Variants in HSD17B7 observed in about 807,000 individuals in gnomAD.
HSD17B7 encodes the protein hydroxysteroid 17-beta dehydrogenase 7, also known as 3-keto-steroid reductase/17-beta-hydroxysteroid dehydrogenase 7.
Under a neutral mutation model 34.1 loss-of-function variants are expected in HSD17B7, and 17 were observed. The observed-to-expected ratio is 0.50, with a 90% CI of 0.34 to 0.75. The LOEUF is 0.75. Ranked by LOEUF, HSD17B7 falls within the 30% of genes least tolerant of loss-of-function variation. The pLI, the probability that HSD17B7 is intolerant of heterozygous loss-of-function variation, is 0.01. For synonymous variants in HSD17B7, 122 were observed against 154.6 expected, an observed-to-expected ratio of 0.79 and a Z score of 1.56; for missense variants, 296 against 406.6, an observed-to-expected ratio of 0.73 and a Z score of 2.34.
At chr1:162,810,102 A>C (rs28757377) in intron 8 of HSD17B7, among the ~76,000 whole-genome samples, 1 of 151,624 alleles carries the variant, frequency 6.6e-6, no homozygotes, top group African/African-American at 2.4e-5. Flanking sequence ...TATAAATTTC[A>C]CTCTACACAC....
chr1:162,803,487 A>T lies in HSD17B7; in HGVS notation c.699A>T (p.Gly233=), dbSNP rs777002693. The part of the protein sequence containing the change: ...PGTALTNLTY[G]ILPPFIWTLL... ...CAGCATTGACCAATTTGACATATGG[A>T]ATTCTGCCTCCGTTTATATGGACGC... Residue 233 remains glycine (G), a synonymous_variant, in exon 6 of 9, where the codon GGA becomes GGT. Coordinates refer to ENST00000254521, the MANE Select transcript of HSD17B7 (RefSeq NM_016371.4). The T allele has an allele frequency of 6.2e-7, 1 of 1,613,108 alleles. No homozygotes were observed. The highest frequency in any genetic ancestry group is 1.3e-5 in the African/African-American group (1 of 74,988).
chr1:162,801,807 CT>C (rs1275052331), intron 5 of HSD17B7, among the ~76,000 whole-genome samples: 1 of 152,128 alleles, frequency 6.6e-6, no homozygotes, highest in Non-Finnish European at 1.5e-5. Flanking sequence ...GTCACAACTG[CT>C]TCCTGATACT....
chr1:162,804,995 T>C (rs1487700982), intron 7 of HSD17B7, among the ~76,000 whole-genome samples: 1 of 152,220 alleles, frequency 6.6e-6, no homozygotes, highest in East Asian at 1.9e-4. Flanking sequence ...CCTTTACATT[T>C]GTCTCCCTCA....
At chr1:162,806,922 A>G (rs1367858059) in intron 8 of HSD17B7, among the ~76,000 whole-genome samples, 2 of 152,186 alleles carry the variant, frequency 1.3e-5, no homozygotes, top group African/African-American at 2.4e-5. Flanking sequence ...TTCCAGCTCC[A>G]TTATGGAAAA....
At chr1:162,792,461 A>G in intron 1 of HSD17B7, 198 bp from the exon 2 acceptor site, 1 of 691,586 alleles carries the variant, frequency 1.4e-6, no homozygotes, top group Admixed American at 3.2e-5. Context: ...TGAGAAAAAC[A>G]CAAACTAGGC....
intron 4 of HSD17B7, chr1:162,799,380 G>T (rs1016732588): frequency 6.1e-6 from 1 of 164,830 alleles, no homozygotes; most frequent in African/African-American, 2.4e-5. Flanking sequence ...AGATCCTTCA[G>T]ACTCATCTTG....
intron 8 of HSD17B7, 100 bp from the exon 9 acceptor site, chr1:162,812,198 C>T: frequency 2.8e-6 from 4 of 1,421,930 alleles, no homozygotes; most frequent in Non-Finnish European, 1.9e-6. Context: ...CCTGCTGCCT[C>T]CTTTCTTTTT....
At chr1:162,795,770 G>A in intron 2 of HSD17B7, 3 of 422,336 alleles carry the variant, frequency 7.1e-6, no homozygotes, top group Non-Finnish European at 1.4e-5. Context: ...GAATATTTAT[G>A]GTGTCTGTGA....
chr1:162,808,085 G>T (rs1293922457), intron 8 of HSD17B7, among the ~76,000 whole-genome samples: 1 of 152,130 alleles, frequency 6.6e-6, no homozygotes, highest in Admixed American at 6.5e-5. Context: ...TTCTTCTAGG[G>T]TTTTTATGGT....
At chr1:162,792,543 C>T in intron 1 of HSD17B7, 116 bp from the exon 2 acceptor site, 1 of 1,365,312 alleles carries the variant, frequency 7.3e-7, no homozygotes. Flanking sequence ...TCTTTTCTTT[C>T]TATCTGGGCT....
Position 162,811,848 on chromosome 1 carries a change from T to C in HSD17B7, c.904-450T>C, listed in dbSNP as rs576740883. On this transcript the variant is annotated intron_variant, in intron 8 of 8. Coordinates refer to ENST00000254521, the MANE Select transcript of HSD17B7 (RefSeq NM_016371.4). ...CATAGTCTCATGGCTCTGGCACCCA[T>C]TGTTTCAATGGAGGCTGAAGTATCG... 4.6e-5 allele frequency among the ~76,000 whole-genome samples: 7 copies of C among 152,336 alleles called. No individual in the cohort carries two copies. The South Asian group carries it at 1.2e-3, about 27-fold the overall frequency.
chr1:162,803,915 C>T (rs1014572761), intron 6 of HSD17B7, among the ~76,000 whole-genome samples: 1 of 152,286 alleles, frequency 6.6e-6, no homozygotes, highest in African/African-American at 2.4e-5. Context: ...ACTATACAAC[C>T]ATATTTTTGT....
At chr1:162,810,184 C>T (rs9661994) in intron 8 of HSD17B7, among the ~76,000 whole-genome samples, 1,921 of 152,168 alleles carry the variant, frequency 0.013, 29 homozygotes, top group African/African-American at 0.043. Context: ...AACATCTTTA[C>T]GTCTGCCCTC....
Position 162,812,515 on chromosome 1 carries a change from A to T in HSD17B7, c.*95A>T. 1 of 1,126,332 alleles carries T rather than the reference A, an allele frequency of 8.9e-7. No individual in the cohort carries two copies. The highest frequency in any genetic ancestry group is 1.2e-6 in the Non-Finnish European group (1 of 808,016). The allele number at this position is 1,126,332 out of a possible 1,614,324, so 69.8% of individuals were successfully genotyped here. A position where few individuals can be genotyped will look rare whatever the true frequency, so the allele number is the denominator to read the frequency against. On this transcript the variant is annotated 3_prime_UTR_variant, in exon 9 of 9. Coordinates refer to ENST00000254521, the MANE Select transcript of HSD17B7 (RefSeq NM_016371.4). ...CATAGTGAGCCCTTGTCTCTACAAAAAGAAATAAAAATAATAGCTGGGTGT... is the reference window on the plus strand; with the variant it reads ...CATAGTGAGCCCTTGTCTCTACAAATAGAAATAAAAATAATAGCTGGGTGT...
At chr1:162,800,681 T>G (rs1342168803) in intron 5 of HSD17B7, among the ~76,000 whole-genome samples, 3 of 152,188 alleles carry the variant, frequency 2.0e-5, no homozygotes, top group Admixed American at 2.0e-4. Context: ...AGTCTTCGCC[T>G]TGGACATTTT....
At chr1:162,803,682 C>T (rs568175322) in intron 6 of HSD17B7, 147 bp downstream of exon 6, 29 of 988,126 alleles carry the variant, frequency 2.9e-5, no homozygotes, top group African/African-American at 4.9e-5. Flanking sequence ...AATGTGAAAC[C>T]TCTGCTTAAT....
intron 2 of HSD17B7, chr1:162,793,073 G>A (rs2102228739): frequency 5.1e-6 from 2 of 394,654 alleles, no homozygotes; most frequent in East Asian, 5.5e-5. Context: ...TTGCTCTGTT[G>A]CCCAGGCTGG....
intron 4 of HSD17B7, chr1:162,798,568 A>G (rs1228586240): frequency 6.5e-6 from 1 of 154,072 alleles, no homozygotes; most frequent in African/African-American, 2.4e-5. Flanking sequence ...ATGACATCAT[A>G]TCAAGGGTGT....
At position 162,809,550 on chromosome 1, in the gene HSD17B7, T is replaced by TC. The variant is rs561275720; in HGVS notation, c.904-2747dup. On this transcript the variant is annotated intron_variant, in intron 8 of 8. Coordinates refer to ENST00000254521, the MANE Select transcript of HSD17B7 (RefSeq NM_016371.4). ...AATAGTTTCAGAAGGAATGGTACCA[T>TC]CTCCTTGTACCTCTGGTAGAATTCA... 4.1e-3 allele frequency among the ~76,000 whole-genome samples: 618 copies of TC among 149,174 alleles called. 6 individuals are homozygous for TC. Among genetic ancestry groups the TC allele is most frequent in the African/African-American group, 0.015 (584 of 39,558 alleles).
Sources: allele counts gnomAD v4.1 joint callset (sites outside exome capture counted in the v4.1 genomes callset), GRCh38; gene constraint gnomAD v4.1.1; transcripts MANE v1.5; gene names NCBI Gene and HGNC (gene_info 2026-07-23, HGNC 2026-07-21).